The following PARD3B variants were observed in gnomAD, a reference collection of about 807,000 sequenced individuals.
PARD3B encodes partitioning defective 3 homolog B.
A neutral mutation model predicts 130.2 loss-of-function variants in PARD3B; 103 were observed. The ratio of observed to expected loss-of-function variants is 0.79; its 90% CI spans 0.67 to 0.93. The LOEUF is 0.93. Among genes scored for constraint, PARD3B ranks in the 40% least tolerant of loss-of-function variants. The pLI is 0.00. For synonymous variants in PARD3B, 583 were observed against 553.2 expected (o/e 1.05, Z -0.76); for missense variants, 1,609 against 1,499.2 (o/e 1.07, Z -1.21).
intron 22 of PARD3B, among the ~76,000 whole-genome samples, chr2:205,597,154 GC>G (rs765071302): frequency 4.3e-4 from 66 of 152,148 alleles, no homozygotes; most frequent in Non-Finnish European, 7.2e-4. Context: ...CAAATAGCGA[GC>G]ATAAATAGGT....
At chr2:205,428,247 G>A (rs2047213214) in intron 19 of PARD3B, among the ~76,000 whole-genome samples, 2 of 152,164 alleles carry the variant, frequency 1.3e-5, no homozygotes, top group Admixed American at 1.3e-4. Context: ...TAGCCAGATG[G>A]TGTGCACCTG....
chr2:205,450,900 A>G (rs569074101), intron 20 of PARD3B, among the ~76,000 whole-genome samples: 2 of 152,306 alleles, frequency 1.3e-5, no homozygotes, highest in African/African-American at 4.8e-5. Context: ...CCCTAAGCTC[A>G]TCATCGGAAC....
chr2:204,899,762 G>A (rs1313713093), intron 2 of PARD3B, among the ~76,000 whole-genome samples: 1 of 152,124 alleles, frequency 6.6e-6, no homozygotes, highest in African/African-American at 2.4e-5. Context: ...CTTTCAGCTT[G>A]AAGAACTCCC....
At chr2:205,085,711 T>C (rs1701702571) in intron 4 of PARD3B, among the ~76,000 whole-genome samples, 1 of 152,108 alleles carries the variant, frequency 6.6e-6, no homozygotes, top group Admixed American at 6.5e-5. Context: ...TTAATTTAGG[T>C]ATTTTCCATC....
At chr2:204,865,035 C>T (rs1434826031) in intron 2 of PARD3B, among the ~76,000 whole-genome samples, 1 of 152,078 alleles carries the variant, frequency 6.6e-6, no homozygotes, top group Non-Finnish European at 1.5e-5. Flanking sequence ...TGCTCAACAT[C>T]ACTAATTATC....
chr2:204,886,904 A>G (rs1274844292), intron 2 of PARD3B, among the ~76,000 whole-genome samples: 1 of 152,224 alleles, frequency 6.6e-6, no homozygotes, highest in Non-Finnish European at 1.5e-5. Context: ...GCATTTTCTT[A>G]GATGGGCTTT....
intron 2 of PARD3B, among the ~76,000 whole-genome samples, chr2:204,852,220 C>T (rs752530295): frequency 3.3e-5 from 5 of 150,402 alleles, no homozygotes; most frequent in Admixed American, 6.6e-5. Flanking sequence ...GTGTTTTAGG[C>T]GGTTATTTTG....
At position 204,772,181 on chromosome 2, in the gene PARD3B, G is replaced by A. The variant is rs185666179; in HGVS notation, c.222+85899G>A. Among the ~76,000 whole-genome samples the A allele has an allele frequency of 2.0e-5, 3 of 152,114 alleles. No individual in the cohort carries two copies. In the East Asian group the frequency reaches 5.8e-4, roughly 29 times the overall value. ...AATAGTATTATTTATATATAACTTAGTTTTGAATTTAACCAAATGAGATGT... is the reference window on the plus strand; with the variant it reads ...AATAGTATTATTTATATATAACTTAATTTTGAATTTAACCAAATGAGATGT... On this transcript the variant is annotated intron_variant, in intron 2 of 22. Transcript: ENST00000406610.
At chr2:205,185,033 G>T (rs966184359) in intron 13 of PARD3B, among the ~76,000 whole-genome samples, 1 of 152,076 alleles carries the variant, frequency 6.6e-6, no homozygotes, top group Admixed American at 6.5e-5. Flanking sequence ...AATATACAAG[G>T]CTTAATATAA....
At chr2:204,590,355 A>T (rs941873478) in intron 1 of PARD3B, among the ~76,000 whole-genome samples, 1 of 152,218 alleles carries the variant, frequency 6.6e-6, no homozygotes, top group African/African-American at 2.4e-5. Context: ...CAACATATGA[A>T]TTCTGGGGAA....
At position 205,356,787 on chromosome 2, in the gene PARD3B, A is replaced by G. The variant is rs542862298; in HGVS notation, c.2631-44226A>G. On this transcript the variant is annotated intron_variant, in intron 18 of 22. Coordinates refer to ENST00000406610, the MANE Select transcript of PARD3B (RefSeq NM_001302769.2). ...GCACCTGTAATCCCAGCTACTTGGG[A>G]GGCTAAGGCAGGAGAACCGCTTAAA... 8.7e-4 allele frequency among the ~76,000 whole-genome samples: 131 copies of G among 151,396 alleles called. No homozygotes were observed. The Middle Eastern group carries it at 0.021, about 24-fold the overall frequency.
chr2:205,112,653 G>A (rs955275738), intron 5 of PARD3B, among the ~76,000 whole-genome samples: 2 of 151,932 alleles, frequency 1.3e-5, no homozygotes, highest in Non-Finnish European at 2.9e-5. Context: ...GCCAGTAATT[G>A]TTCACAGTTA....
intron 20 of PARD3B, among the ~76,000 whole-genome samples, chr2:205,490,722 C>T (rs2049669471): frequency 6.6e-6 from 1 of 152,168 alleles, no homozygotes; most frequent in Admixed American, 6.5e-5. Flanking sequence ...GTTTACAGTC[C>T]CACCAACAGT....
At chr2:204,800,535 T>C (rs921697168) in intron 2 of PARD3B, among the ~76,000 whole-genome samples, 10 of 152,174 alleles carry the variant, frequency 6.6e-5, no homozygotes, top group Non-Finnish European at 1.3e-4. Context: ...AAGAGTGTTA[T>C]ATAACACCAA....
intron 1 of PARD3B, among the ~76,000 whole-genome samples, chr2:204,556,990 T>A (rs540305249): frequency 6.6e-6 from 1 of 151,316 alleles, no homozygotes; most frequent in African/African-American, 2.5e-5. Context: ...AACTCTCTAC[T>A]CATGGGCTTT....
chr2:204,581,106 A>G (rs948163131), intron 1 of PARD3B, among the ~76,000 whole-genome samples: 1 of 152,220 alleles, frequency 6.6e-6, no homozygotes, highest in Non-Finnish European at 1.5e-5. Context: ...ACCATAGACT[A>G]TTACAGGCAT....
chr2:204,942,483 GTT>G (rs1688979596), intron 2 of PARD3B, among the ~76,000 whole-genome samples: 1 of 152,112 alleles, frequency 6.6e-6, no homozygotes, highest in African/African-American at 2.4e-5. Context: ...TTTTGAGAAT[GTT>G]TGAAACATTT....
chr2:204,968,033 T>C (rs910267593), intron 3 of PARD3B, among the ~76,000 whole-genome samples: 4 of 152,138 alleles, frequency 2.6e-5, no homozygotes, highest in Non-Finnish European at 5.9e-5. Context: ...TCAGCTAGTG[T>C]AGCCATTGGA....
Position 205,292,607 on chromosome 2 carries a change from GAC to G in PARD3B, c.2186-7917_2186-7916del, listed in dbSNP as rs1203454568. 6.6e-6 allele frequency among the ~76,000 whole-genome samples: 1 copy of G among 152,122 alleles called. No homozygotes were observed. Among genetic ancestry groups the G allele is most frequent in the Non-Finnish European group, 1.5e-5 (1 of 68,026 alleles). ...TTCTCCAAACTCCTGTTCCCTCCCA[GAC>G]ACACAGTCCCTCAAGGGCACACTGT... On this transcript the variant is annotated intron_variant, in intron 16 of 22. Coordinates refer to ENST00000406610, the MANE Select transcript of PARD3B (RefSeq NM_001302769.2). The surrounding 1 kb of genome is among the most constrained non-coding windows in gnomAD (Gnocchi z 5.3).
Sources: gnomAD v4.1 joint callset for allele counts (sites outside exome capture counted in the v4.1 genomes callset) on GRCh38, gnomAD v4.1.1 for gene constraint, Gnocchi (gnomAD v3.1) non-coding constraint, MANE v1.5 for transcripts, NCBI Gene and HGNC (gene_info 2026-07-23, HGNC 2026-07-21) for gene names.